The following ZKSCAN4 variants were observed in gnomAD, a reference collection of about 807,000 sequenced individuals.
ZKSCAN4 encodes zinc finger with KRAB and SCAN domains 4.
Under a neutral mutation model 30.8 loss-of-function variants are expected in ZKSCAN4, and 23 were observed. The ratio of observed to expected loss-of-function variants is 0.75; its 90% CI spans 0.54 to 1.06. The LOEUF is 1.06. ZKSCAN4 is among the 50% of genes least tolerant of loss of function. The probability of loss-of-function intolerance (pLI) is 0.00; values close to 1 mark genes in which losing one functional copy is unlikely to be tolerated. For missense variants in ZKSCAN4, 556 were observed against 665.4 expected (o/e 0.84, Z 1.81); for synonymous variants, 208 against 252.5 (o/e 0.82, Z 1.67).
upstream of ZKSCAN4, among the ~76,000 whole-genome samples, chr6:28,253,117 T>G (rs1436249840): frequency 6.6e-6 from 1 of 152,198 alleles, no homozygotes; most frequent in Admixed American, 6.5e-5. This position sits in a 1 kb window ranked among gnomAD's most constrained non-coding sequence, Gnocchi z 4.2. Flanking sequence ...TTGTGTAAAG[T>G]GCTTAGAACA....
Position 28,245,428 on chromosome 6 carries a change from C to T in ZKSCAN4, c.1326G>A (p.Arg442=). The change falls in exon 5 of 5, where the codon AGG becomes AGA. Residue 442 remains arginine, a synonymous_variant. Transcript: ENST00000377294. ...GATGTCTCAGGAGATGTGAATTCCG[C>T]CTAAAGGCTTTGCCACACATATTGC... is the stretch of plus-strand genomic sequence containing the variant. The part of the protein sequence containing the change: ...YQCNMCGKAF[R]RNSHLLRHQR... 1.9e-6 allele frequency: 3 copies of T among 1,614,204 alleles called. No homozygotes were observed. The highest frequency in any genetic ancestry group is 2.5e-6 in the Non-Finnish European group (3 of 1,180,036).
In ZKSCAN4 at chr6:28,244,338, G is replaced by T. The variant is rs932772116; in HGVS notation, c.*778C>A. On this transcript the variant is annotated 3_prime_UTR_variant, in exon 5 of 5. Transcript: ENST00000377294. ...CTGAATGTGAAAGACTCCCCCTAAA[G>T]AGTAGCAAAATTAATGTAAACTAAC... Among the ~76,000 whole-genome samples the T allele has an allele frequency of 2.0e-5, 3 of 152,158 alleles. No homozygotes were observed. The highest frequency in any genetic ancestry group is 7.2e-5 in the African/African-American group (3 of 41,428).
intron 4 of ZKSCAN4, 138 bp downstream of exon 4, chr6:28,246,831 T>C (rs1760754386): frequency 2.0e-6 from 2 of 1,011,494 alleles, no homozygotes; most frequent in East Asian, 2.6e-5. Context: ...AAGGAGCTAG[T>C]AGTCAGTAAC....
Position 28,245,204 on chromosome 6 carries a change from C to T in ZKSCAN4, c.1550G>A (p.Cys517Tyr), listed in dbSNP as rs1298352636. The part of the protein sequence containing the change: ...KIHTGEKPYQ[C>Y]DTCGKGFTRT... The stretch of plus-strand genomic sequence containing the variant: ...AGTGAAACCTTTTCCACATGTGTCA[C>T]ACTGATAGGGTTTCTCACCAGTGTG... The change falls in exon 5 of 5, where the codon TGT becomes TAT. Residue 517 changes from cysteine (C) to tyrosine (Y), a missense_variant. By Grantham distance (194) the Cys-to-Tyr change is radical. Transcript: ENST00000377294. The T allele has an allele frequency of 2.5e-6, 4 of 1,614,190 alleles. No individual in the cohort carries two copies. In the Admixed American group the frequency reaches 5.0e-5, roughly 20 times the overall value.
At position 28,245,522 on chromosome 6, in the gene ZKSCAN4, TTCCCACAG is replaced by T. The variant is rs777326156; in HGVS notation, c.1224_1231del (p.Asp408GlufsTer11). On this transcript the variant is annotated frameshift_variant, in exon 5 of 5. Transcript: ENST00000377294. LOFTEE classifies it low-confidence loss of function (END_TRUNC). ...GAGGCTGCAGCTCTGGCTGAAGGTC[TTCCCACAG>T]TCATCACACTCATAGGGCTTCTCCC... is the stretch of plus-strand genomic sequence containing the variant. The T allele has an allele frequency of 1.9e-6, 3 of 1,614,222 alleles. No homozygotes were observed. In the East Asian group the frequency reaches 6.7e-5, roughly 36 times the overall value.
At chr6:28,248,792 C>G (rs1361642163) in intron 2 of ZKSCAN4, among the ~76,000 whole-genome samples, 1 of 145,292 alleles carries the variant, frequency 6.9e-6, no homozygotes, top group African/African-American at 2.6e-5. Context: ...CACCACTGCA[C>G]TCCAGCCTGG....
chr6:28,248,853 A>T (rs767970105), intron 2 of ZKSCAN4, among the ~76,000 whole-genome samples: 45 of 151,454 alleles, frequency 3.0e-4, no homozygotes, highest in Non-Finnish European at 5.7e-4. Flanking sequence ...AAGAAAAAAG[A>T]AAAAGAAAAA....
At chr6:28,257,639 C>T in the ZKSCAN4 span, among the ~76,000 whole-genome samples, 4 of 152,168 alleles carry the variant, frequency 2.6e-5, no homozygotes, top group East Asian at 3.9e-4. Flanking sequence ...TATATTTTGT[C>T]TTAAAAAAAG....
chr6:28,248,888 G>A (rs970222807), intron 2 of ZKSCAN4, among the ~76,000 whole-genome samples: 2 of 151,904 alleles, frequency 1.3e-5, no homozygotes, highest in Non-Finnish European at 2.9e-5. Flanking sequence ...ATAAGGCTGG[G>A]TCCAGAAAGG....
chr6:28,251,765 G>A lies in ZKSCAN4; in HGVS notation c.216C>T (p.Ser72=), dbSNP rs558066861. The A allele has an allele frequency of 3.7e-6, 6 of 1,614,196 alleles. No homozygotes were observed. In the East Asian group the frequency reaches 6.7e-5, roughly 18 times the overall value. Residue 72 remains serine (S), a synonymous_variant, in exon 1 of 5, where the codon AGC becomes AGT. Transcript: ENST00000377294. The surrounding 1 kb of genome is among the most constrained non-coding windows in gnomAD (Gnocchi z 4.5). ...ATTGTCCGCAGAGTTCTCGGAGCCG[G>A]CTCAACGCCTCGCGGGGGCCCGCAG... ...PEAAGPREAL[S]RLRELCGQWL...
upstream of ZKSCAN4, among the ~76,000 whole-genome samples, chr6:28,256,441 A>G (rs1000943690): frequency 9.2e-5 from 14 of 152,212 alleles, no homozygotes; most frequent in African/African-American, 3.4e-4. Flanking sequence ...AAAAAATAAT[A>G]AAATAAAATA....
chr6:28,245,257 A>G lies in ZKSCAN4; in HGVS notation c.1497T>C (p.Asn499=), dbSNP rs935485546. The change falls in exon 5 of 5, where the codon AAT becomes AAC. Residue 499 remains asparagine, a synonymous_variant. Coordinates refer to ENST00000377294, the MANE Select transcript of ZKSCAN4 (RefSeq NM_019110.5). ...TTTTCTGATGTTCAATAAGACTTCT[A>G]TTCCGTGTGAAACTTCTCTCACACT... ...CNECERSFTR[N]RSLIEHQKIH... is the part of the protein sequence containing the mutation. 1.2e-6 allele frequency: 2 copies of G among 1,613,308 alleles called. No individual in the cohort carries two copies. The highest frequency in any genetic ancestry group is 2.7e-5 in the African/African-American group (2 of 74,646).
chr6:28,254,757 C>T (rs916831638), upstream of ZKSCAN4, among the ~76,000 whole-genome samples: 1 of 152,130 alleles, frequency 6.6e-6, no homozygotes, highest in Non-Finnish European at 1.5e-5. Context: ...GGAAGCCCTG[C>T]GACGGCATTT....
Position 28,245,541 on chromosome 6 carries a change from C to T in ZKSCAN4, c.1213G>A (p.Glu405Lys). ...QRTHTGEKPYECDDCGKTFSQ... is the reference protein window; with the variant it reads ...QRTHTGEKPYKCDDCGKTFSQ... ...AAGGTCTTCCCACAGTCATCACACT[C>T]ATAGGGCTTCTCCCCAGTGTGGGTT... Residue 405 changes from glutamate to lysine, a missense_variant, in exon 5 of 5, where the codon GAG becomes AAG. Around this residue, in one of 3 missense-constraint regions of ZKSCAN4, gnomAD observed 433 missense variants for 511.5 expected, o/e 0.85. Coordinates refer to ENST00000377294, the MANE Select transcript of ZKSCAN4 (RefSeq NM_019110.5). The T allele has an allele frequency of 6.2e-7, 1 of 1,614,082 alleles. No homozygotes were observed.
the ZKSCAN4 span, among the ~76,000 whole-genome samples, chr6:28,257,349 T>G: frequency 1.1e-3 from 164 of 152,092 alleles, no homozygotes; most frequent in African/African-American, 3.7e-3. Context: ...TGAGAACACA[T>G]GGACACAGCG....
Position 28,251,044 on chromosome 6 carries a change from C to G in ZKSCAN4, c.423+514G>C, listed in dbSNP as rs1760971404. ...GACTTTCTCCCAAGTGGTCCATGAA[C>G]TTAGAAAGGACAAAAACTAATCTTA... On this transcript the variant is annotated intron_variant, in intron 1 of 4. Transcript: ENST00000377294. The surrounding 1 kb of genome is among the most constrained non-coding windows in gnomAD (Gnocchi z 4.5). Among the ~76,000 whole-genome samples the G allele has an allele frequency of 6.6e-6, 1 of 152,174 alleles. No homozygotes were observed. Among genetic ancestry groups the G allele is most frequent in the South Asian group, 2.1e-4 (1 of 4,826 alleles).
chr6:28,256,125 A>G (rs910303646), upstream of ZKSCAN4, among the ~76,000 whole-genome samples: 28 of 152,238 alleles, frequency 1.8e-4, no homozygotes, highest in African/African-American at 6.5e-4. Flanking sequence ...GAAAGTTTTT[A>G]AAATAAAAAT....
chr6:28,258,887 GATTA>G, the ZKSCAN4 span, among the ~76,000 whole-genome samples: 33 of 152,068 alleles, frequency 2.2e-4, no homozygotes, highest in African/African-American at 7.2e-4. Flanking sequence ...GTTGGGAAGT[GATTA>G]ATTAAACATA....
rs780673159 is a variant in ZKSCAN4, at chr6:28,245,517, A to G, written c.1237T>C (p.Phe413Leu). The part of the protein sequence containing the change: ...PYECDDCGKT[F>L]SQSCSLLEHH... ...TCAAGGAGGCTGCAGCTCTGGCTGAAGGTCTTCCCACAGTCATCACACTCA... is the reference window on the plus strand; with the variant it reads ...TCAAGGAGGCTGCAGCTCTGGCTGAGGGTCTTCCCACAGTCATCACACTCA... Residue 413 changes from phenylalanine (F) to leucine (L), a missense_variant, in exon 5 of 5, where the codon TTC becomes CTC. Around this residue, in one of 3 missense-constraint regions of ZKSCAN4, gnomAD observed 433 missense variants for 511.5 expected, o/e 0.85. Transcript: ENST00000377294. 6.2e-7 allele frequency: 1 copy of G among 1,614,088 alleles called. No individual in the cohort carries two copies. Among genetic ancestry groups the G allele is most frequent in the Admixed American group, 1.7e-5 (1 of 60,004 alleles).
Sources: allele counts gnomAD v4.1 joint callset (sites outside exome capture counted in the v4.1 genomes callset), GRCh38; gene constraint gnomAD v4.1.1; regional missense constraint gnomAD v4.1.1; non-coding constraint Gnocchi (gnomAD v3.1); transcripts MANE v1.5; gene names NCBI Gene and HGNC (gene_info 2026-07-23, HGNC 2026-07-21).